Variants in AXDND1 observed in about 807,000 individuals in gnomAD.
AXDND1 encodes axonemal dynein light chain domain containing 1.
AXDND1 carries 110 observed loss-of-function variants against 137.5 expected under a neutral mutation model. That is an observed-to-expected ratio of 0.80 (90% CI 0.69 to 0.94). The LOEUF is 0.94. AXDND1 is among the 40% of genes least tolerant of loss of function. The pLI is 0.00. For missense variants in AXDND1, 1,191 were observed against 1,169.8 expected, an observed-to-expected ratio of 1.02 and a Z score of -0.26; for synonymous variants, 414 against 399.7, an observed-to-expected ratio of 1.04 and a Z score of -0.43.
At chr1:179,401,084 C>T (rs936092436) in intron 11 of AXDND1, among the ~76,000 whole-genome samples, 2 of 150,880 alleles carry the variant, frequency 1.3e-5, no homozygotes, top group African/African-American at 2.4e-5. Context: ...CATGGAGAAA[C>T]CCTTTCTTTA....
At chr1:179,470,704 C>T (rs937943009) in intron 17 of AXDND1, among the ~76,000 whole-genome samples, 1 of 152,004 alleles carries the variant, frequency 6.6e-6, no homozygotes, top group African/African-American at 2.4e-5. Context: ...ATTTTCTATA[C>T]AAAAGATCAT....
chr1:179,376,546 C>T (rs565946571), intron 4 of AXDND1, among the ~76,000 whole-genome samples: 1 of 152,286 alleles, frequency 6.6e-6, no homozygotes, highest in Non-Finnish European at 1.5e-5. Context: ...TATGCATATG[C>T]TGTTCTCTAC....
At chr1:179,532,740 C>T (rs1179241580) in intron 23 of AXDND1, among the ~76,000 whole-genome samples, 1 of 151,736 alleles carries the variant, frequency 6.6e-6, no homozygotes. Flanking sequence ...TAAAAACTGG[C>T]TGGGCATGGT....
rs148499050 is a variant in AXDND1, at chr1:179,395,147, G to A, written c.1054G>A (p.Glu352Lys). 6.2e-7 allele frequency: 1 copy of A among 1,613,506 alleles called. No individual in the cohort carries two copies. The highest frequency in any genetic ancestry group is 1.3e-5 in the African/African-American group (1 of 75,024). Residue 352 changes from glutamate (E) to lysine (K), a missense_variant, in exon 11 of 26, where the codon GAA becomes AAA. Glu to Lys is a moderately conservative substitution (Grantham distance 56). Coordinates refer to ENST00000367618, the MANE Select transcript of AXDND1 (RefSeq NM_144696.6). ...AHDVKLTKETEKAHKDLAQAL... is the reference protein window; with the variant it reads ...AHDVKLTKETKKAHKDLAQAL... ...TGATGTGAAATTAACAAAGGAAACA[G>A]AAAAAGCCCACAAGGATTTGGCACA...
At chr1:179,382,078 T>A (rs902820675) in intron 6 of AXDND1, among the ~76,000 whole-genome samples, 1 of 150,754 alleles carries the variant, frequency 6.6e-6, no homozygotes, top group Non-Finnish European at 1.5e-5. Context: ...CCCAGCCCTT[T>A]ATTTTTATTT....
At chr1:179,535,149 C>A in intron 25 of AXDND1, 187 bp downstream of exon 25, 3 of 775,398 alleles carry the variant, frequency 3.9e-6, no homozygotes, top group Non-Finnish European at 6.0e-6. Flanking sequence ...AAAGGAAAAC[C>A]AAATGAATAA....
intron 18 of AXDND1, among the ~76,000 whole-genome samples, chr1:179,488,002 A>AG (rs1666275338): frequency 3.2e-5 from 1 of 31,502 alleles, no homozygotes; most frequent in Admixed American, 5.3e-4. Context: ...TCTCAAAAAA[A>AG]AAAAAAAAAA....
At chr1:179,410,119 C>T (rs1371788651) in intron 11 of AXDND1, among the ~76,000 whole-genome samples, 1 of 152,054 alleles carries the variant, frequency 6.6e-6, no homozygotes, top group African/African-American at 2.4e-5. Flanking sequence ...AAATGAAAGC[C>T]TCTAAGACTA....
At chr1:179,525,221 C>G in intron 21 of AXDND1, 113 bp from the exon 22 acceptor site, 1 of 1,071,118 alleles carries the variant, frequency 9.3e-7, no homozygotes, top group South Asian at 1.8e-5. Flanking sequence ...CCTTTGTATC[C>G]TTGTCACTAG....
At chr1:179,552,238 G>T (rs1398279563) in intron 25 of AXDND1, 11 of 284,406 alleles carry the variant, frequency 3.9e-5, no homozygotes, top group Non-Finnish European at 2.0e-5. Flanking sequence ...CCAAGCTTGG[G>T]ATACAGTTCT....
At chr1:179,515,260 T>C (rs1669428284) in intron 21 of AXDND1, among the ~76,000 whole-genome samples, 1 of 152,166 alleles carries the variant, frequency 6.6e-6, no homozygotes. Context: ...TTGGTAGTGG[T>C]GGCTTGGTAG....
intron 20 of AXDND1, among the ~76,000 whole-genome samples, chr1:179,493,962 T>A (rs1425497116): frequency 6.6e-6 from 1 of 151,304 alleles, no homozygotes; most frequent in Non-Finnish European, 1.5e-5. Context: ...CTTTTTAAAA[T>A]TTTTTTTGAG....
At position 179,491,584 on chromosome 1, in the gene AXDND1, T is replaced by A. The variant is rs753200896; in HGVS notation, c.2138T>A (p.Leu713Gln). ...ISMIQWMVNL[L>Q]ILMIPNFTDQ... Reference sequence around the variant, plus strand: ...ATGATCCAGTGGATGGTAAACTTGCTGATTTTAATGATACCCAACTTTACT... The same window carrying A: ...ATGATCCAGTGGATGGTAAACTTGCAGATTTTAATGATACCCAACTTTACT... The change falls in exon 19 of 26, where the codon CTG (leucine) becomes CAG (glutamine). Residue 713 changes from leucine to glutamine, a missense_variant. Transcript: ENST00000367618. 3 of 1,613,186 alleles carry A rather than the reference T, an allele frequency of 1.9e-6. No homozygotes were observed. In the Admixed American group the frequency reaches 5.0e-5, roughly 27 times the overall value.
At position 179,417,739 on chromosome 1, in the gene AXDND1, A is replaced by T. The variant is rs534374158; in HGVS notation, c.1230+6473A>T. The stretch of plus-strand genomic sequence containing the variant: ...ATAGATTTTAGGATTTAAAAAAAAA[A>T]TTCTGTGAAGAATGCCATTGGTATT... On this transcript the variant is annotated intron_variant, in intron 12 of 25. Transcript: ENST00000367618. Among the ~76,000 whole-genome samples the T allele has an allele frequency of 2.7e-4, 41 of 152,142 alleles. No individual in the cohort carries two copies. The South Asian group carries it at 6.6e-3, about 25-fold the overall frequency.
intron 15 of AXDND1, among the ~76,000 whole-genome samples, chr1:179,437,381 C>T (rs1658325306): frequency 6.6e-6 from 1 of 152,106 alleles, no homozygotes. Context: ...ACAATAGGTG[C>T]TAGATTTCTC....
intron 21 of AXDND1, among the ~76,000 whole-genome samples, chr1:179,509,976 C>CA (rs1369021157): frequency 6.6e-6 from 1 of 152,104 alleles, no homozygotes; most frequent in Non-Finnish European, 1.5e-5. Flanking sequence ...ATAAGGTCAC[C>CA]AGTGATTCCT....
chr1:179,523,885 C>G (rs1670298744), intron 21 of AXDND1, among the ~76,000 whole-genome samples: 1 of 152,098 alleles, frequency 6.6e-6, no homozygotes, highest in Admixed American at 6.6e-5. Context: ...CCCTGAATCC[C>G]CAAAGTCCAT....
chr1:179,381,216 A>G (rs1558095271), intron 6 of AXDND1, among the ~76,000 whole-genome samples: 1 of 149,780 alleles, frequency 6.7e-6, no homozygotes. Context: ...AATTTTTTGT[A>G]TTTTTGGTAG....
chr1:179,420,138 G>T (rs1029573698), intron 12 of AXDND1, among the ~76,000 whole-genome samples: 7 of 152,036 alleles, frequency 4.6e-5, no homozygotes, highest in African/African-American at 1.4e-4. Flanking sequence ...TTTGATGAGG[G>T]TTTTTATCAT....
Sources: allele counts gnomAD v4.1 joint callset (sites outside exome capture counted in the v4.1 genomes callset), GRCh38; gene constraint gnomAD v4.1.1; transcripts MANE v1.5; gene names NCBI Gene and HGNC (gene_info 2026-07-23, HGNC 2026-07-21).